Variants in SLC25A36 observed in about 807,000 individuals in gnomAD.
SLC25A36 encodes epididymis secretory sperm binding protein.
SLC25A36 carries 24 observed loss-of-function variants against 35.3 expected under a neutral mutation model. That is an observed-to-expected ratio of 0.68 (90% CI 0.49 to 0.96). The LOEUF (loss-of-function observed/expected upper bound fraction) is 0.96, where lower values mean the gene tolerates loss of function less well. Ranked by LOEUF, SLC25A36 falls within the 40% of genes least tolerant of loss-of-function variation. The pLI, the probability that SLC25A36 is intolerant of heterozygous loss-of-function variation, is 0.00. For missense variants in SLC25A36, 294 were observed against 381.1 expected, an observed-to-expected ratio of 0.77 and a Z score of 1.90; for synonymous variants, 141 against 132.2, an observed-to-expected ratio of 1.07 and a Z score of -0.46.
intron 6 of SLC25A36, among the ~76,000 whole-genome samples, chr3:140,975,358 C>T (rs961711076): frequency 2.1e-4 from 32 of 151,930 alleles, no homozygotes; most frequent in Admixed American, 2.1e-3. Context: ...TCTCCCACCT[C>T]GGCCTCCCAG....
intron 3 of SLC25A36, among the ~76,000 whole-genome samples, chr3:140,961,990 T>C (rs1044659222): frequency 4.6e-5 from 7 of 152,098 alleles, no homozygotes; most frequent in Non-Finnish European, 8.8e-5. Context: ...TTTCACTGTT[T>C]TAATATGATT....
intron 4 of SLC25A36, among the ~76,000 whole-genome samples, chr3:140,968,903 T>A (rs1449880364): frequency 6.6e-6 from 1 of 151,764 alleles, no homozygotes; most frequent in Non-Finnish European, 1.5e-5. Flanking sequence ...GCTTTTAAAA[T>A]TCAATAAAAA....
chr3:140,948,564 A>G (rs914140756), intron 1 of SLC25A36, among the ~76,000 whole-genome samples: 1 of 152,212 alleles, frequency 6.6e-6, no homozygotes, highest in Non-Finnish European at 1.5e-5. Flanking sequence ...TATCCTTTTC[A>G]TCTTGCTTTA....
chr3:140,970,921 G>A lies in SLC25A36; in HGVS notation c.386-6G>A, dbSNP rs748841547. The stretch of plus-strand genomic sequence containing the variant: ...ACCAGAGTTCATTTTAAACATGTTT[G>A]TTTAGGTTTTACTGCAATCACAGCA... On this transcript the variant is annotated splice_polypyrimidine_tract_variant and splice_region_variant and intron_variant, in intron 4 of 6. Coordinates refer to ENST00000324194, the MANE Select transcript of SLC25A36 (RefSeq NM_001104647.3). 8 of 1,395,244 alleles carry A rather than the reference G, an allele frequency of 5.7e-6. No homozygotes were observed. Among genetic ancestry groups the A allele is most frequent in the African/African-American group, 1.4e-5 (1 of 70,526 alleles). The allele number at this position is 1,395,244 out of a possible 1,614,324, so 86.4% of individuals were successfully genotyped here.
intron 3 of SLC25A36, among the ~76,000 whole-genome samples, 159 bp downstream of exon 3, chr3:140,959,699 A>G (rs1450286522): frequency 6.6e-6 from 1 of 152,206 alleles, no homozygotes; most frequent in Non-Finnish European, 1.5e-5. Flanking sequence ...AGAATTTCAG[A>G]TTCTAGCCAG....
intron 6 of SLC25A36, among the ~76,000 whole-genome samples, chr3:140,974,529 C>A (rs1934987103): frequency 6.6e-6 from 1 of 152,116 alleles, no homozygotes; most frequent in African/African-American, 2.4e-5. Flanking sequence ...AGCTATTTTA[C>A]ATTATTTCAT....
chr3:140,950,311 A>G (rs939433556), intron 1 of SLC25A36, among the ~76,000 whole-genome samples: 2 of 134,852 alleles, frequency 1.5e-5, no homozygotes, highest in African/African-American at 5.8e-5. Flanking sequence ...TTGCTTAGTT[A>G]TGTGAGTACT....
In SLC25A36 at chr3:140,963,301, T is replaced by C. The variant is rs1934678427; in HGVS notation, c.385+74T>C. ...GGCTTAATATTGAATTATAAGTTTG[T>C]AGTGAAAAGTTGATGATTAATGTGC... On this transcript the variant is annotated intron_variant, in intron 4 of 6. Coordinates refer to ENST00000324194, the MANE Select transcript of SLC25A36 (RefSeq NM_001104647.3). 4 of 946,874 alleles carry C rather than the reference T, an allele frequency of 4.2e-6. No individual in the cohort carries two copies. In the African/African-American group the frequency reaches 5.3e-5, roughly 12 times the overall value. The allele number at this position is 946,874 out of a possible 1,614,324, so 58.7% of individuals were successfully genotyped here.
intron 1 of SLC25A36, among the ~76,000 whole-genome samples, chr3:140,950,215 C>A (rs573191369): frequency 6.6e-6 from 1 of 152,242 alleles, no homozygotes; most frequent in South Asian, 2.1e-4. Flanking sequence ...ATTATGTTGA[C>A]CTTTCCTTTC....
intron 6 of SLC25A36, among the ~76,000 whole-genome samples, chr3:140,975,367 A>G (rs936304527): frequency 1.3e-5 from 2 of 152,014 alleles, no homozygotes; most frequent in Non-Finnish European, 2.9e-5. Context: ...TCGGCCTCCC[A>G]GAATGCTAGT....
intron 1 of SLC25A36, among the ~76,000 whole-genome samples, chr3:140,951,646 G>C (rs1227512304): frequency 1.3e-5 from 2 of 151,746 alleles, no homozygotes; most frequent in Admixed American, 6.6e-5. Flanking sequence ...ACCACGCCTG[G>C]CTAATTTTGT....
Position 140,977,691 on chromosome 3 carries a change from G to A in SLC25A36, c.*1238G>A, listed in dbSNP as rs1935083899. 1 of 152,112 alleles carries A rather than the reference G, an allele frequency of 6.6e-6. No individual in the cohort carries two copies. The highest frequency in any genetic ancestry group is 2.4e-5 in the African/African-American group (1 of 41,428). The allele number at this position is 152,112 out of a possible 1,614,324, so 9.4% of individuals were successfully genotyped here. ...CTGTACCTTTTAATACTTTAAATGTGTTATTTGTATGGCCCTTATAAAGGT... is the reference window on the plus strand; with the variant it reads ...CTGTACCTTTTAATACTTTAAATGTATTATTTGTATGGCCCTTATAAAGGT... On this transcript the variant is annotated 3_prime_UTR_variant, in exon 7 of 7. Coordinates refer to ENST00000324194, the MANE Select transcript of SLC25A36 (RefSeq NM_001104647.3).
At chr3:140,948,099 G>T (rs1337619352) in intron 1 of SLC25A36, among the ~76,000 whole-genome samples, 1 of 152,092 alleles carries the variant, frequency 6.6e-6, no homozygotes, top group African/African-American at 2.4e-5. Context: ...GATTACAGGT[G>T]CCTGCCACCA....
At chr3:140,971,160 T>G (rs1436872452) in intron 5 of SLC25A36, among the ~76,000 whole-genome samples, 167 bp downstream of exon 5, 2 of 152,154 alleles carry the variant, frequency 1.3e-5, no homozygotes, top group African/African-American at 4.8e-5. Context: ...CAATATGAAC[T>G]TTTCCAGGTG....
In SLC25A36 at chr3:140,977,411, T is replaced by C. The variant is rs927105291; in HGVS notation, c.*958T>C. On this transcript the variant is annotated 3_prime_UTR_variant, in exon 7 of 7. Transcript: ENST00000324194. The stretch of plus-strand genomic sequence containing the variant: ...TACATTTATTTTGTAAAGAAAATAG[T>C]AATTTAAAGTTTTGCCATTTTAAGG... The C allele has an allele frequency of 6.6e-6, 1 of 152,224 alleles. No individual in the cohort carries two copies. Among genetic ancestry groups the C allele is most frequent in the South Asian group, 2.1e-4 (1 of 4,834 alleles). 9.4% of individuals were successfully genotyped at this position (152,224 alleles called of 1,614,324 possible). A position where few individuals can be genotyped will look rare whatever the true frequency, so the allele number is the denominator to read the frequency against.
intron 2 of SLC25A36, among the ~76,000 whole-genome samples, chr3:140,959,052 T>C (rs1304633582): frequency 6.8e-6 from 1 of 147,664 alleles, no homozygotes; most frequent in Non-Finnish European, 1.5e-5. Flanking sequence ...AGTTTCGCTC[T>C]GTCTCCAGGC....
At chr3:140,968,030 G>A (rs1445403087) in intron 4 of SLC25A36, 1 of 984,860 alleles carries the variant, frequency 1.0e-6, no homozygotes, top group East Asian at 1.1e-4. Flanking sequence ...ATCTTTGTGT[G>A]TGTTTGTCAT....
rs527364016 is a variant in SLC25A36 at position 140,967,917 on chromosome 3, A to G, written c.386-3010A>G. On this transcript the variant is annotated intron_variant, in intron 4 of 6. Coordinates refer to ENST00000324194, the MANE Select transcript of SLC25A36 (RefSeq NM_001104647.3). ...CATTTTCATGTTTCACTAGGTGCTC[A>G]GAATCTTAATATAAATTGGCAAATT... The G allele has an allele frequency of 3.6e-5, 33 of 915,454 alleles. No homozygotes were observed. In the South Asian group the frequency reaches 1.5e-3, roughly 41 times the overall value. The allele number at this position is 915,454 out of a possible 1,614,324, so 56.7% of individuals were successfully genotyped here. A position where few individuals can be genotyped will look rare whatever the true frequency, so the allele number is the denominator to read the frequency against.
At chr3:140,959,119 G>A (rs373954473) in intron 2 of SLC25A36, among the ~76,000 whole-genome samples, 4 of 150,546 alleles carry the variant, frequency 2.7e-5, no homozygotes, top group South Asian at 2.1e-4. Flanking sequence ...AAATTCAAGC[G>A]ATTCTCCTAC....
Sources: allele counts gnomAD v4.1 joint callset (sites outside exome capture counted in the v4.1 genomes callset), GRCh38; gene constraint gnomAD v4.1.1; transcripts MANE v1.5; gene names NCBI Gene and HGNC (gene_info 2026-07-23, HGNC 2026-07-21).